LRIG1: variants seen among roughly 807,000 people sequenced by gnomAD.
LRIG1 encodes leucine rich repeats and immunoglobulin like domains 1.
In LRIG1, 48 loss-of-function variants were observed where a neutral mutation model predicts 99.2. That is an observed-to-expected ratio of 0.48 (90% CI 0.38 to 0.62). LRIG1 has a LOEUF of 0.62. Among genes scored for constraint, LRIG1 ranks in the 20% least tolerant of loss-of-function variants. LRIG1 has a pLI of 0.00. For missense variants in LRIG1, 1,646 were observed against 1,434.4 expected, an observed-to-expected ratio of 1.15 and a Z score of -2.38; for synonymous variants, 772 against 596.1, an observed-to-expected ratio of 1.29 and a Z score of -4.30.
intron 8 of LRIG1, among the ~76,000 whole-genome samples, chr3:66,406,906 C>T (rs958913854): frequency 6.6e-6 from 1 of 152,198 alleles, no homozygotes; most frequent in Non-Finnish European, 1.5e-5. Context: ...ACGAGAGATG[C>T]ACTGCAGTAT....
chr3:66,493,587 T>C (rs1388349039), intron 1 of LRIG1, among the ~76,000 whole-genome samples: 1 of 152,080 alleles, frequency 6.6e-6, no homozygotes, highest in Non-Finnish European at 1.5e-5. Flanking sequence ...AAAAGACTCC[T>C]TCACAGCAGA....
intron 11 of LRIG1, 36 bp downstream of exon 11, chr3:66,398,076 T>C: frequency 6.6e-7 from 1 of 1,518,342 alleles, no homozygotes; most frequent in South Asian, 1.1e-5. Flanking sequence ...AAGTCTCCAC[T>C]ACCATTAATC....
At position 66,453,985 on chromosome 3, in the gene LRIG1, A is replaced by G. The variant is rs563290674; in HGVS notation, c.291-2352T>C. 9.2e-5 allele frequency among the ~76,000 whole-genome samples: 14 copies of G among 152,294 alleles called. 1 individual carries two copies. Among genetic ancestry groups the G allele is most frequent in the African/African-American group, 3.4e-4 (14 of 41,560 alleles). ...TTTCAAATTGTGACAGAACTGCTGG[A>G]AGTGGAGCATAGAGGGGTGGTGGAC... On this transcript the variant is annotated intron_variant, in intron 2 of 18. Coordinates refer to ENST00000273261, the MANE Select transcript of LRIG1 (RefSeq NM_015541.3).
At chr3:66,406,348 C>T in intron 8 of LRIG1, 1 of 985,622 alleles carries the variant, frequency 1.0e-6, no homozygotes. Flanking sequence ...GCCCTGGCTG[C>T]CAAAGTTTTT....
chr3:66,488,692 T>C (rs770239098), intron 1 of LRIG1, among the ~76,000 whole-genome samples: 13 of 152,112 alleles, frequency 8.5e-5, no homozygotes, highest in African/African-American at 1.2e-4. Context: ...AGTTTCTATC[T>C]TGAAAGGGAT....
chr3:66,405,685 G>T, intron 8 of LRIG1: 1 of 1,083,772 alleles, frequency 9.2e-7, no homozygotes, highest in Non-Finnish European at 1.1e-6. Context: ...GGACATGACC[G>T]AGAAACTGCA....
chr3:66,426,641 A>T (rs905940689), intron 3 of LRIG1, among the ~76,000 whole-genome samples: 1 of 152,258 alleles, frequency 6.6e-6, no homozygotes, highest in African/African-American at 2.4e-5. Flanking sequence ...GAAATGGAAC[A>T]TAAGTCTCTC....
intron 3 of LRIG1, among the ~76,000 whole-genome samples, chr3:66,434,676 G>A (rs752019291): frequency 1.7e-4 from 26 of 151,604 alleles, no homozygotes; most frequent in Non-Finnish European, 3.2e-4. Context: ...GAACCCAGGA[G>A]GCAGAGGTTG....
At chr3:66,385,732 A>G (rs1701340928) in intron 13 of LRIG1, among the ~76,000 whole-genome samples, 1 of 152,250 alleles carries the variant, frequency 6.6e-6, no homozygotes, top group Non-Finnish European at 1.5e-5. Context: ...GATTACAGGC[A>G]TGAGCCACAG....
At chr3:66,399,530 T>C (rs1342740749) in intron 9 of LRIG1, among the ~76,000 whole-genome samples, 1 of 152,180 alleles carries the variant, frequency 6.6e-6, no homozygotes, top group African/African-American at 2.4e-5. Context: ...CCCAGCACTT[T>C]GGGAGGCTGA....
chr3:66,474,805 A>T (rs1206564503), intron 1 of LRIG1, among the ~76,000 whole-genome samples: 1 of 152,208 alleles, frequency 6.6e-6, no homozygotes, highest in African/African-American at 2.4e-5. Flanking sequence ...ACTGTATCTT[A>T]ACCAAATAAT....
Position 66,379,767 on chromosome 3 carries a change from C to T in LRIG1, c.*496G>A, listed in dbSNP as rs1252140963. On this transcript the variant is annotated 3_prime_UTR_variant, in exon 19 of 19. Transcript: ENST00000273261. ...CCGGCGCATGTGGAGTCCCACCGCA[C>T]AGCAGCCTAGGGGTCTATGAAGTGC... 6.5e-6 allele frequency: 1 copy of T among 154,240 alleles called. No individual in the cohort carries two copies. Among genetic ancestry groups the T allele is most frequent in the African/African-American group, 2.4e-5 (1 of 41,460 alleles). 9.6% of individuals were successfully genotyped at this position (154,240 alleles called of 1,614,324 possible). A position where few individuals can be genotyped will look rare whatever the true frequency, so the allele number is the denominator to read the frequency against.
intron 15 of LRIG1, among the ~76,000 whole-genome samples, chr3:66,382,752 T>A (rs1809444): frequency 0.63 from 96,292 of 152,164 alleles, 30,921 homozygotes; most frequent in East Asian, 0.81. Flanking sequence ...GAAAACTGCA[T>A]GGTGCGTCAG....
intron 1 of LRIG1, among the ~76,000 whole-genome samples, chr3:66,464,639 G>A (rs1436099204): frequency 6.6e-6 from 1 of 152,140 alleles, no homozygotes; most frequent in African/African-American, 2.4e-5. Context: ...TATGTTTCTG[G>A]CTTACACATG....
Position 66,379,563 on chromosome 3 carries a change from C to T in LRIG1, c.*700G>A, listed in dbSNP as rs1700908198. Reference sequence around the variant, plus strand: ...CCTTTTGCTTGTGATGGATTAACAACCCTCATTCTACGCCTTACAGACGGA... The same window carrying T: ...CCTTTTGCTTGTGATGGATTAACAATCCTCATTCTACGCCTTACAGACGGA... On this transcript the variant is annotated 3_prime_UTR_variant, in exon 19 of 19. Transcript: ENST00000273261. 1 of 151,962 alleles carries T rather than the reference C, an allele frequency of 6.6e-6. No homozygotes were observed. The highest frequency in any genetic ancestry group is 6.5e-5 in the Admixed American group (1 of 15,280). The allele number at this position is 151,962 out of a possible 1,614,324, so 9.4% of individuals were successfully genotyped here.
intron 1 of LRIG1, among the ~76,000 whole-genome samples, chr3:66,475,088 G>T (rs182990631): frequency 2.0e-4 from 30 of 152,252 alleles, no homozygotes; most frequent in Middle Eastern, 3.4e-3. Flanking sequence ...ACATCCACAA[G>T]ATCAGCTACA....
intron 1 of LRIG1, among the ~76,000 whole-genome samples, chr3:66,469,408 T>C (rs965298224): frequency 1.3e-5 from 2 of 152,208 alleles, no homozygotes; most frequent in Non-Finnish European, 2.9e-5. Context: ...GGAGATACTA[T>C]ATACATACAG....
At chr3:66,392,249 T>C (rs989573772) in intron 12 of LRIG1, among the ~76,000 whole-genome samples, 4 of 152,250 alleles carry the variant, frequency 2.6e-5, no homozygotes, top group African/African-American at 7.2e-5. Flanking sequence ...AATGCTGCTA[T>C]GAACATTCAT....
chr3:66,431,850 A>G (rs1703182943), intron 3 of LRIG1, among the ~76,000 whole-genome samples: 1 of 152,166 alleles, frequency 6.6e-6, no homozygotes, highest in African/African-American at 2.4e-5. Flanking sequence ...CCATGCCACC[A>G]TGCTAAACCA....
Sources: allele counts gnomAD v4.1 joint callset (sites outside exome capture counted in the v4.1 genomes callset), GRCh38; gene constraint gnomAD v4.1.1; transcripts MANE v1.5; gene names NCBI Gene and HGNC (gene_info 2026-07-23, HGNC 2026-07-21).